CCDC178: variants seen among roughly 807,000 people sequenced by gnomAD.
CCDC178 encodes coiled-coil domain-containing protein 178.
In CCDC178, 126 loss-of-function variants were observed where a neutral mutation model predicts 117.4. The observed-to-expected ratio is 1.07, with a 90% confidence interval of 0.93 to 1.24. CCDC178 has a LOEUF of 1.24. CCDC178 is among the 50% of genes most tolerant of loss of function. The pLI is 0.00. For synonymous variants in CCDC178, 283 were observed against 313.4 expected, an observed-to-expected ratio of 0.90 and a Z score of 1.02; for missense variants, 1,030 against 986.9, an observed-to-expected ratio of 1.04 and a Z score of -0.59.
At chr18:33,031,280 G>C (rs2056337236) in intron 21 of CCDC178, among the ~76,000 whole-genome samples, 1 of 150,646 alleles carries the variant, frequency 6.6e-6, no homozygotes, top group Non-Finnish European at 1.5e-5. Context: ...ATGTTGCTCA[G>C]GCTGTAGTGC....
intron 2 of CCDC178, among the ~76,000 whole-genome samples, chr18:33,419,924 T>C (rs2064000979): frequency 6.6e-6 from 1 of 152,066 alleles, no homozygotes; most frequent in African/African-American, 2.4e-5. Context: ...CTTTTTTTTT[T>C]TCACCAATCT....
At chr18:32,970,230 C>A (rs1435668622) in intron 22 of CCDC178, among the ~76,000 whole-genome samples, 2 of 151,864 alleles carry the variant, frequency 1.3e-5, no homozygotes, top group Non-Finnish European at 2.9e-5. Context: ...TTATCTGGCC[C>A]ACCTGGTTTT....
chr18:33,293,767 T>TA (rs1031559265), intron 11 of CCDC178, among the ~76,000 whole-genome samples: 3 of 152,084 alleles, frequency 2.0e-5, no homozygotes, highest in Non-Finnish European at 4.4e-5. Context: ...TGACAATTTC[T>TA]AAAAAAATAC....
At chr18:33,416,744 C>T (rs748182804) in intron 2 of CCDC178, among the ~76,000 whole-genome samples, 1 of 152,088 alleles carries the variant, frequency 6.6e-6, no homozygotes, top group Admixed American at 6.6e-5. Context: ...TGCACCACAA[C>T]CCAGCAGTAA....
In CCDC178 at chr18:33,011,910, T is replaced by C. The variant is rs529196030; in HGVS notation, c.2389-37229A>G. Reference sequence around the variant, plus strand: ...CTGCAGTGATCGGGCTATAGGCATATGTGACTGAGTTTTAGTTGATTTTCT... The same window carrying C: ...CTGCAGTGATCGGGCTATAGGCATACGTGACTGAGTTTTAGTTGATTTTCT... On this transcript the variant is annotated intron_variant, in intron 21 of 22. Transcript: ENST00000383096. Among the ~76,000 whole-genome samples the C allele has an allele frequency of 4.6e-4, 70 of 151,230 alleles. 1 individual carries two copies. The highest frequency in any genetic ancestry group is 1.5e-3 in the African/African-American group (62 of 41,206).
Position 33,215,723 on chromosome 18 carries a change from T to C in CCDC178, c.1933-28A>G, listed in dbSNP as rs1454660039. On this transcript the variant is annotated intron_variant, in intron 18 of 22. Transcript: ENST00000383096. ...GAAAAAAAATATACACAAGTGTTTATTTTAAATACTTGGATTTTCAAATCC... is the reference window on the plus strand; with the variant it reads ...GAAAAAAAATATACACAAGTGTTTACTTTAAATACTTGGATTTTCAAATCC... 17 of 1,420,330 alleles carry C rather than the reference T, an allele frequency of 1.2e-5. No homozygotes were observed. In the African/African-American group the frequency reaches 1.8e-4, roughly 15 times the overall value. 88.0% of individuals were successfully genotyped at this position (1,420,330 alleles called of 1,614,324 possible). A position where few individuals can be genotyped will look rare whatever the true frequency, so the allele number is the denominator to read the frequency against.
intron 21 of CCDC178, among the ~76,000 whole-genome samples, chr18:33,017,172 A>G (rs1466032351): frequency 6.6e-6 from 1 of 151,926 alleles, no homozygotes; most frequent in African/African-American, 2.4e-5. Flanking sequence ...ATATTTACAG[A>G]TGATATATGA....
chr18:33,351,754 T>A (rs915616380), intron 7 of CCDC178, among the ~76,000 whole-genome samples: 2 of 152,014 alleles, frequency 1.3e-5, no homozygotes, highest in Admixed American at 1.3e-4. Flanking sequence ...GTTTTGATTA[T>A]GTTGCCTAGG....
At chr18:33,153,316 G>A (rs2058360612) in intron 20 of CCDC178, among the ~76,000 whole-genome samples, 1 of 151,670 alleles carries the variant, frequency 6.6e-6, no homozygotes, top group Admixed American at 6.6e-5. Context: ...GAGGGCTCCT[G>A]ATCTTGGAGT....
intron 22 of CCDC178, among the ~76,000 whole-genome samples, chr18:32,956,402 T>C (rs999839331): frequency 6.6e-6 from 1 of 152,194 alleles, no homozygotes; most frequent in Admixed American, 6.5e-5. Flanking sequence ...TACAACCACT[T>C]AGTTTAACAG....
chr18:33,115,703 A>G (rs1160864177), intron 20 of CCDC178, among the ~76,000 whole-genome samples: 2 of 151,972 alleles, frequency 1.3e-5, no homozygotes, highest in African/African-American at 4.8e-5. Flanking sequence ...CATTGCTGAT[A>G]GTCACTATAG....
intron 20 of CCDC178, among the ~76,000 whole-genome samples, chr18:33,180,228 A>G (rs1032817787): frequency 1.3e-5 from 2 of 149,076 alleles, no homozygotes; most frequent in African/African-American, 2.5e-5. Flanking sequence ...ACTTGATTCC[A>G]TACTGTACAT....
intron 20 of CCDC178, among the ~76,000 whole-genome samples, chr18:33,098,411 C>A (rs1286960837): frequency 6.6e-6 from 1 of 151,978 alleles, no homozygotes. Flanking sequence ...CTGTCATCTT[C>A]TGACCCAGTT....
At chr18:33,346,171 C>A in intron 9 of CCDC178, 40 bp downstream of exon 9, 1 of 1,433,032 alleles carries the variant, frequency 7.0e-7, no homozygotes, top group East Asian at 2.3e-5. Context: ...ATCTGTGCCC[C>A]CAACAGAATA....
intron 20 of CCDC178, among the ~76,000 whole-genome samples, chr18:33,126,995 A>AT (rs1400030710): frequency 5.9e-4 from 82 of 138,046 alleles, no homozygotes; most frequent in Middle Eastern, 3.7e-3. Flanking sequence ...TTAAAAAAAA[A>AT]AAATATATAT....
chr18:33,334,469 T>C (rs1180761226), intron 9 of CCDC178, among the ~76,000 whole-genome samples: 1 of 152,082 alleles, frequency 6.6e-6, no homozygotes, highest in East Asian at 1.9e-4. Context: ...AAAAAAACCA[T>C]TGAAAGATTT....
At chr18:32,988,485 A>G (rs562238463) in intron 21 of CCDC178, among the ~76,000 whole-genome samples, 1 of 152,298 alleles carries the variant, frequency 6.6e-6, no homozygotes, top group East Asian at 1.9e-4. Context: ...TGATTGCTAA[A>G]TAAATAAATT....
intron 15 of CCDC178, among the ~76,000 whole-genome samples, chr18:33,227,346 T>C (rs67797219): frequency 0.062 from 9,331 of 151,326 alleles, 458 homozygotes; most frequent in African/African-American, 0.13. Context: ...TGGAAAAATC[T>C]TTTCTTTGCT....
chr18:33,260,105 TCA>T (rs1187546232), intron 14 of CCDC178, among the ~76,000 whole-genome samples: 1 of 152,064 alleles, frequency 6.6e-6, no homozygotes, highest in East Asian at 1.9e-4. Context: ...GTGTGCTCTC[TCA>T]GTCACTACCA....
Sources: gnomAD v4.1 joint callset for allele counts (sites outside exome capture counted in the v4.1 genomes callset) on GRCh38, gnomAD v4.1.1 for gene constraint, MANE v1.5 for transcripts, NCBI Gene and HGNC (gene_info 2026-07-23, HGNC 2026-07-21) for gene names.